ADGRG7: variants seen among roughly 807,000 people sequenced by gnomAD.
The protein encoded by ADGRG7 is G-protein coupled receptor 128.
In ADGRG7, 82 loss-of-function variants were observed where a neutral mutation model predicts 88.6. The observed-to-expected ratio is 0.93, with a 90% confidence interval of 0.77 to 1.11. The LOEUF is 1.11. Among genes scored for constraint, ADGRG7 ranks in the 50% most tolerant of loss-of-function variants. The pLI is 0.00. For missense variants in ADGRG7, 945 were observed against 953.4 expected (o/e 0.99, Z 0.12); for synonymous variants, 381 against 345.2 (o/e 1.10, Z -1.15).
chr3:100,652,680 T>G (rs2094931493), intron 11 of ADGRG7, among the ~76,000 whole-genome samples: 1 of 152,174 alleles, frequency 6.6e-6, no homozygotes, highest in Non-Finnish European at 1.5e-5. Context: ...TTGCATTCTC[T>G]GCCAATCTGA....
chr3:100,626,344 A>G (rs1014025621), intron 1 of ADGRG7, among the ~76,000 whole-genome samples: 4 of 152,168 alleles, frequency 2.6e-5, no homozygotes, highest in African/African-American at 9.7e-5. Flanking sequence ...ATTTCCATAA[A>G]TATTTTAAAT....
chr3:100,634,212 AG>A (rs1168459682), intron 4 of ADGRG7, among the ~76,000 whole-genome samples: 1 of 152,206 alleles, frequency 6.6e-6, no homozygotes, highest in Non-Finnish European at 1.5e-5. Context: ...GGGACAAGCA[AG>A]GGGGAGGAAG....
At chr3:100,633,741 C>G (rs1576317619) in intron 4 of ADGRG7, among the ~76,000 whole-genome samples, 1 of 152,058 alleles carries the variant, frequency 6.6e-6, no homozygotes. Flanking sequence ...AGGCTGGTCT[C>G]GAACTCCTGA....
intron 15 of ADGRG7, among the ~76,000 whole-genome samples, chr3:100,691,219 G>A (rs1017613737): frequency 7.9e-5 from 12 of 152,310 alleles, no homozygotes; most frequent in Admixed American, 2.6e-4. Flanking sequence ...GGAAAAGTGC[G>A]GTATTAGGGT....
intron 1 of ADGRG7, among the ~76,000 whole-genome samples, chr3:100,619,018 T>C (rs1707267917): frequency 6.6e-6 from 1 of 152,186 alleles, no homozygotes; most frequent in African/African-American, 2.4e-5. Flanking sequence ...GCTCTCTGTT[T>C]GTCTACTATT....
At chr3:100,665,054 T>C in intron 14 of ADGRG7, 1 of 484,252 alleles carries the variant, frequency 2.1e-6, no homozygotes, top group Non-Finnish European at 4.3e-6. Context: ...TTCACATTAG[T>C]GGAAAAATCC....
intron 1 of ADGRG7, among the ~76,000 whole-genome samples, chr3:100,622,949 C>T (rs1707335748): frequency 2.0e-5 from 3 of 149,776 alleles, no homozygotes; most frequent in African/African-American, 7.4e-5. Flanking sequence ...TTGGTAGAGA[C>T]AGGGTTTTGA....
chr3:100,623,117 T>A (rs1707337369), intron 1 of ADGRG7, among the ~76,000 whole-genome samples: 2 of 152,160 alleles, frequency 1.3e-5, no homozygotes, highest in Non-Finnish European at 2.9e-5. Context: ...TGACTAAAGC[T>A]AATTATCAAT....
intron 1 of ADGRG7, among the ~76,000 whole-genome samples, chr3:100,623,366 T>C (rs1045443758): frequency 6.6e-6 from 1 of 152,154 alleles, no homozygotes; most frequent in Non-Finnish European, 1.5e-5. Context: ...GTCTTTAAAA[T>C]GATAATGGGC....
At position 100,694,922 on chromosome 3, in the gene ADGRG7, G is replaced by A. The variant is rs1019869787; in HGVS notation, c.2315G>A (p.Arg772His). Reference protein sequence around the residue: ...FLRSLPTLHERFRLLETSPST... With the variant: ...FLRSLPTLHEHFRLLETSPST... ...AGGTCATTGCCAACCTTACATGAAC[G>A]CTTTAGGCTACTGGAAACCTCTCCG... is the stretch of plus-strand genomic sequence containing the variant. The change falls in exon 16 of 16, where the codon CGC (arginine) becomes CAC (histidine). Residue 772 changes from arginine to histidine, a missense_variant. By Grantham distance (29) the Arg-to-His change is conservative (BLOSUM62 0). Coordinates refer to ENST00000273352, the MANE Select transcript of ADGRG7 (RefSeq NM_032787.3). The A allele has an allele frequency of 1.7e-5, 27 of 1,614,084 alleles. No individual in the cohort carries two copies. Among genetic ancestry groups the A allele is most frequent in the Middle Eastern group, 1.6e-4 (1 of 6,062 alleles).
chr3:100,687,889 C>T (rs1237628207), intron 15 of ADGRG7, among the ~76,000 whole-genome samples: 3 of 152,172 alleles, frequency 2.0e-5, no homozygotes, highest in African/African-American at 7.2e-5. Context: ...ATGCTGGTCT[C>T]ATAAAATGAG....
In ADGRG7 at chr3:100,665,399, T is replaced by C. The variant is rs11544674; in HGVS notation, c.1980-3550T>C. On this transcript the variant is annotated intron_variant, in intron 14 of 15. Transcript: ENST00000273352. ...TTCATTACAATAGAAGCATTGTTTG[T>C]TTCTTTGTGAAAACGAAACTTTCTC... 55 of 540,238 alleles carry C rather than the reference T, an allele frequency of 1.0e-4. 1 individual carries two copies. Among genetic ancestry groups the C allele is most frequent in the South Asian group, 7.6e-4 (55 of 72,510 alleles). The allele number at this position is 540,238 out of a possible 1,614,324, so 33.5% of individuals were successfully genotyped here.
At chr3:100,633,680 C>A (rs532603306) in intron 4 of ADGRG7, among the ~76,000 whole-genome samples, 1 of 152,128 alleles carries the variant, frequency 6.6e-6, no homozygotes, top group Non-Finnish European at 1.5e-5. Context: ...TACCACCGTG[C>A]CCGACTAATT....
intron 6 of ADGRG7, among the ~76,000 whole-genome samples, chr3:100,637,912 C>G (rs1559675570): frequency 6.6e-6 from 1 of 152,242 alleles, no homozygotes; most frequent in African/African-American, 2.4e-5. Context: ...GCCCACCCCA[C>G]TCAACCCCTT....
intron 15 of ADGRG7, among the ~76,000 whole-genome samples, chr3:100,684,346 C>T (rs566199569): frequency 1.3e-5 from 2 of 151,948 alleles, no homozygotes; most frequent in South Asian, 2.1e-4. Flanking sequence ...TCACTGCAGC[C>T]TCAATCTCCT....
Position 100,619,999 on chromosome 3 carries a change from T to C in ADGRG7, c.116-9599T>C, listed in dbSNP as rs562632058. ...GAGGTATAAGGAGGAGCTGGTACCATTCCTTCTGAAACTATTCCAATCAAT... is the reference window on the plus strand; with the variant it reads ...GAGGTATAAGGAGGAGCTGGTACCACTCCTTCTGAAACTATTCCAATCAAT... On this transcript the variant is annotated intron_variant, in intron 1 of 15. Transcript: ENST00000273352. Among the ~76,000 whole-genome samples the C allele has an allele frequency of 2.0e-5, 3 of 152,318 alleles. No individual in the cohort carries two copies. The East Asian group carries it at 5.8e-4, about 29-fold the overall frequency.
At chr3:100,685,300 C>T (rs186631154) in intron 15 of ADGRG7, among the ~76,000 whole-genome samples, 18 of 152,068 alleles carry the variant, frequency 1.2e-4, no homozygotes, top group African/African-American at 2.9e-4. Flanking sequence ...TATAGACGAA[C>T]GGAAATTTTA....
intron 1 of ADGRG7, among the ~76,000 whole-genome samples, chr3:100,622,429 C>T (rs1707326921): frequency 6.6e-6 from 1 of 151,994 alleles, no homozygotes; most frequent in Non-Finnish European, 1.5e-5. Flanking sequence ...TTCTATTAAT[C>T]TATTTGTCTA....
At chr3:100,635,512 T>A in intron 4 of ADGRG7, 165 bp from the exon 5 acceptor site, 2 of 1,419,500 alleles carry the variant, frequency 1.4e-6, no homozygotes, top group Non-Finnish European at 9.2e-7. Flanking sequence ...CTGCATGTAC[T>A]TTGTCCTTTA....
Sources: gnomAD v4.1 joint callset for allele counts (sites outside exome capture counted in the v4.1 genomes callset) on GRCh38, gnomAD v4.1.1 for gene constraint, MANE v1.5 for transcripts, NCBI Gene and HGNC (gene_info 2026-07-23, HGNC 2026-07-21) for gene names.